The following PDZRN3 variants were observed in gnomAD, a reference collection of about 807,000 sequenced individuals.
The protein encoded by PDZRN3 is E3 ubiquitin-protein ligase PDZRN3.
A neutral mutation model predicts 85.7 loss-of-function variants in PDZRN3; 38 were observed. The observed-to-expected ratio is 0.44, with a 90% CI of 0.34 to 0.58. The LOEUF (loss-of-function observed/expected upper bound fraction) is 0.58, where lower values mean the gene tolerates loss of function less well. PDZRN3 is among the 20% of genes least tolerant of loss of function. PDZRN3 has a pLI of 0.01. For synonymous variants in PDZRN3, 759 were observed against 638.0 expected (o/e 1.19, Z -2.86); for missense variants, 1,629 against 1,506.4 (o/e 1.08, Z -1.35).
At chr3:73,447,041 C>CTA (rs148063336) in intron 3 of PDZRN3, among the ~76,000 whole-genome samples, 1,443 of 140,810 alleles carry the variant, frequency 0.01, 19 homozygotes, top group African/African-American at 0.032. Context: ...AACCTCTTGA[C>CTA]TATATATATA....
intron 3 of PDZRN3, among the ~76,000 whole-genome samples, chr3:73,485,821 T>A (rs746473037): frequency 6.6e-6 from 1 of 152,222 alleles, no homozygotes; most frequent in Non-Finnish European, 1.5e-5. Context: ...TCTCCACTTG[T>A]AATGTTCATA....
intron 3 of PDZRN3, among the ~76,000 whole-genome samples, chr3:73,461,139 T>C (rs1034747795): frequency 6.6e-6 from 1 of 152,196 alleles, no homozygotes; most frequent in African/African-American, 2.4e-5. Flanking sequence ...TGGAAGTTGA[T>C]CTCAGAACGA....
intron 1 of PDZRN3, among the ~76,000 whole-genome samples, chr3:73,616,920 G>A (rs1341994540): frequency 6.6e-6 from 1 of 152,104 alleles, no homozygotes; most frequent in African/African-American, 2.4e-5. Context: ...CCCGAATATT[G>A]CTGATCCCAG....
chr3:73,536,079 A>C (rs1704778924), intron 3 of PDZRN3, among the ~76,000 whole-genome samples: 1 of 152,234 alleles, frequency 6.6e-6, no homozygotes, highest in African/African-American at 2.4e-5. Context: ...ATGTAACTGT[A>C]ATTTCTTTCT....
chr3:73,484,402 T>C lies in PDZRN3; in HGVS notation c.919-80007A>G, dbSNP rs192405746. ...GCACCAGAGTGGTGAGGTCAGAGGA[T>C]CATTTTCCAATGGAGGGGGGTGGTT... On this transcript the variant is annotated intron_variant, in intron 3 of 9. Coordinates refer to ENST00000263666, the MANE Select transcript of PDZRN3 (RefSeq NM_015009.3). Among the ~76,000 whole-genome samples, 4 of 152,084 alleles carry C rather than the reference T, an allele frequency of 2.6e-5. No individual in the cohort carries two copies. The East Asian group carries it at 7.7e-4, about 29-fold the overall frequency.
At chr3:73,405,094 A>G (rs1701826674) in intron 3 of PDZRN3, among the ~76,000 whole-genome samples, 2 of 152,324 alleles carry the variant, frequency 1.3e-5, no homozygotes, top group East Asian at 3.9e-4. Context: ...ACCTCTCAAC[A>G]GTTCTCTCAT....
intron 1 of PDZRN3, among the ~76,000 whole-genome samples, chr3:73,623,135 G>A (rs546756605): frequency 6.6e-6 from 1 of 152,308 alleles, no homozygotes; most frequent in Non-Finnish European, 1.5e-5. Flanking sequence ...CTCAGGTGGA[G>A]ATGTTAAAAA....
intron 3 of PDZRN3, among the ~76,000 whole-genome samples, chr3:73,566,043 C>G (rs1050820670): frequency 6.6e-5 from 10 of 152,142 alleles, no homozygotes; most frequent in Admixed American, 3.3e-4. Context: ...ATATCCAGAG[C>G]ATTCAGGTAA....
chr3:73,624,358 G>A lies in PDZRN3; in HGVS notation c.468C>T (p.Arg156=). 3 of 1,300,844 alleles carry A rather than the reference G, an allele frequency of 2.3e-6. No homozygotes were observed. The highest frequency in any genetic ancestry group is 2.9e-6 in the Non-Finnish European group (3 of 1,031,382). The allele number at this position is 1,300,844 out of a possible 1,614,324, so 80.6% of individuals were successfully genotyped here. A position where few individuals can be genotyped will look rare whatever the true frequency, so the allele number is the denominator to read the frequency against. ...CTCGCGCGCAGCAGTGGCCGCCCGC[G>A]CGCTGCTCGCCGTGCGTCAAGGGTA... ...CGLPLTHGEQ[R]AGGHCCARAL... is the part of the protein sequence containing the mutation. Residue 156 remains arginine (R), a synonymous_variant, in exon 1 of 10, where the codon CGC becomes CGT. Transcript: ENST00000263666.
chr3:73,588,292 C>T (rs932884222), intron 3 of PDZRN3, among the ~76,000 whole-genome samples: 11 of 152,206 alleles, frequency 7.2e-5, no homozygotes, highest in Admixed American at 5.9e-4. Context: ...CATAGTATTC[C>T]ATGGTGTTTA....
chr3:73,612,150 T>C (rs545582654), intron 1 of PDZRN3, among the ~76,000 whole-genome samples: 23 of 152,310 alleles, frequency 1.5e-4, no homozygotes, highest in Admixed American at 2.6e-4. Context: ...CCTAACTTCA[T>C]AGAAACTGAT....
intron 5 of PDZRN3, among the ~76,000 whole-genome samples, chr3:73,400,544 A>T (rs1252803725): frequency 6.6e-6 from 1 of 152,096 alleles, no homozygotes; most frequent in African/African-American, 2.4e-5. Context: ...TTATCCACCT[A>T]CTCTTGAGCC....
At chr3:73,574,081 G>T (rs2106855872) in intron 3 of PDZRN3, among the ~76,000 whole-genome samples, 1 of 152,286 alleles carries the variant, frequency 6.6e-6, no homozygotes, top group African/African-American at 2.4e-5. Flanking sequence ...CATTAAAAGG[G>T]CAAATACCCT....
chr3:73,612,576 G>T (rs926068029), intron 1 of PDZRN3, among the ~76,000 whole-genome samples: 1 of 152,218 alleles, frequency 6.6e-6, no homozygotes, highest in Non-Finnish European at 1.5e-5. Flanking sequence ...TATGTCCATT[G>T]CATCTGGCAA....
At chr3:73,545,842 G>A (rs1355680045) in intron 3 of PDZRN3, among the ~76,000 whole-genome samples, 2 of 152,260 alleles carry the variant, frequency 1.3e-5, no homozygotes, top group Middle Eastern at 3.4e-3. Context: ...CACATTAGAA[G>A]GGTTGTTCTG....
chr3:73,606,838 T>C (rs11926413), intron 2 of PDZRN3, among the ~76,000 whole-genome samples: 61,374 of 152,168 alleles, frequency 0.4, 13,598 homozygotes, highest in East Asian at 0.5. Flanking sequence ...TTTGAAACTG[T>C]GGAATGGGCT....
At chr3:73,449,327 T>C (rs1374382474) in intron 3 of PDZRN3, among the ~76,000 whole-genome samples, 1 of 151,924 alleles carries the variant, frequency 6.6e-6, no homozygotes, top group Non-Finnish European at 1.5e-5. Flanking sequence ...CTGGATGCTC[T>C]GATTTAAGTC....
intron 3 of PDZRN3, among the ~76,000 whole-genome samples, chr3:73,522,788 C>T (rs1308783606): frequency 6.6e-6 from 1 of 152,074 alleles, no homozygotes; most frequent in African/African-American, 2.4e-5. Context: ...TTAGAGATGA[C>T]ATAATTTGTT....
At chr3:73,566,756 A>G (rs1171346098) in intron 3 of PDZRN3, among the ~76,000 whole-genome samples, 2 of 152,158 alleles carry the variant, frequency 1.3e-5, no homozygotes, top group African/African-American at 4.8e-5. Context: ...CCTGTTCTAG[A>G]GCTTCTTGGA....
Sources: gnomAD v4.1 joint callset for allele counts (sites outside exome capture counted in the v4.1 genomes callset) on GRCh38, gnomAD v4.1.1 for gene constraint, MANE v1.5 for transcripts, NCBI Gene and HGNC (gene_info 2026-07-23, HGNC 2026-07-21) for gene names.